UTRN: variants seen among roughly 807,000 people sequenced by gnomAD.
UTRN encodes the protein dystrophin-related protein 1.
In UTRN, 283 loss-of-function variants were observed where a neutral mutation model predicts 463.9. That is an observed-to-expected ratio of 0.61 (90% CI 0.55 to 0.67). UTRN has a LOEUF of 0.67. Ranked by LOEUF, UTRN falls within the 30% of genes least tolerant of loss-of-function variation. UTRN has a pLI of 0.00. For missense variants in UTRN, 3,922 were observed against 4,084.3 expected, an observed-to-expected ratio of 0.96 and a Z score of 1.08; for synonymous variants, 1,442 against 1,431.5, an observed-to-expected ratio of 1.01 and a Z score of -0.17.
At chr6:144,604,053 G>A (rs9376828) in intron 51 of UTRN, among the ~76,000 whole-genome samples, 10,381 of 152,112 alleles carry the variant, frequency 0.068, 975 homozygotes, top group East Asian at 0.52. Context: ...CAGATCCACT[G>A]GGCTTTAAAA....
chr6:144,313,202 A>G (rs1485577914), intron 2 of UTRN, among the ~76,000 whole-genome samples: 1 of 152,166 alleles, frequency 6.6e-6, no homozygotes, highest in Non-Finnish European at 1.5e-5. Flanking sequence ...TAAAACGTGC[A>G]TGGCCCTCAG....
intron 32 of UTRN, among the ~76,000 whole-genome samples, chr6:144,492,753 C>T (rs946308535): frequency 5.3e-5 from 8 of 152,152 alleles, no homozygotes; most frequent in Non-Finnish European, 8.8e-5. Context: ...TTTTGATTTG[C>T]ATCAGAAATC....
At chr6:144,662,618 G>A (rs928505839) in intron 51 of UTRN, among the ~76,000 whole-genome samples, 1 of 152,218 alleles carries the variant, frequency 6.6e-6, no homozygotes, top group Non-Finnish European at 1.5e-5. Flanking sequence ...GGATTTTGCT[G>A]TATTCCTGAA....
At chr6:144,645,145 T>A (rs2128663731) in intron 51 of UTRN, among the ~76,000 whole-genome samples, 1 of 152,340 alleles carries the variant, frequency 6.6e-6, no homozygotes, top group Middle Eastern at 3.4e-3. Context: ...TTGGTCCCTC[T>A]ATTGTTTATT....
At position 144,513,886 on chromosome 6, in the gene UTRN, G is replaced by A. The variant is rs568587710; in HGVS notation, c.4945-23G>A. The stretch of plus-strand genomic sequence containing the variant: ...TTAAATATTTCATATGGTTATGTAA[G>A]CATTTTATTAATTCCTTTGTAGAAC... On this transcript the variant is annotated intron_variant, in intron 35 of 74. Transcript: ENST00000367545. The A allele has an allele frequency of 7.5e-6, 12 of 1,608,660 alleles. No individual in the cohort carries two copies. In the East Asian group the frequency reaches 2.2e-4, roughly 30 times the overall value.
chr6:144,831,107 T>C (rs1460480989), intron 69 of UTRN, among the ~76,000 whole-genome samples: 1 of 152,096 alleles, frequency 6.6e-6, no homozygotes, highest in African/African-American at 2.4e-5. Context: ...AGAAAGGAAA[T>C]AGATAAGTAG....
In UTRN at chr6:144,361,744, A is replaced by T. The variant is rs114156896; in HGVS notation, c.80-41379A>T. ...GCTGGGACCACAGGTGTCTGAAACCACACCTGGCTAATTTTCTTTCTTTCT... is the reference window on the plus strand; with the variant it reads ...GCTGGGACCACAGGTGTCTGAAACCTCACCTGGCTAATTTTCTTTCTTTCT... On this transcript the variant is annotated intron_variant, in intron 2 of 74. Coordinates refer to ENST00000367545, the MANE Select transcript of UTRN (RefSeq NM_007124.3). Among the ~76,000 whole-genome samples, 1,409 of 149,172 alleles carry T rather than the reference A, an allele frequency of 9.4e-3. 24 individuals carry two copies. Among genetic ancestry groups the T allele is most frequent in the African/African-American group, 0.033 (1,348 of 40,576 alleles).
intron 25 of UTRN, among the ~76,000 whole-genome samples, chr6:144,478,614 A>C (rs933358939): frequency 6.6e-6 from 1 of 152,052 alleles, no homozygotes; most frequent in African/African-American, 2.4e-5. Flanking sequence ...GTTTGGAGGG[A>C]GGGACTGGGA....
intron 46 of UTRN, among the ~76,000 whole-genome samples, chr6:144,544,455 A>C (rs1798228776): frequency 6.6e-6 from 1 of 152,048 alleles, no homozygotes; most frequent in African/African-American, 2.4e-5. Context: ...ACCGATCTGC[A>C]TTCTGTTTCC....
chr6:144,729,519 A>G (rs13215581), intron 53 of UTRN, among the ~76,000 whole-genome samples: 14,210 of 152,298 alleles, frequency 0.093, 1,192 homozygotes, highest in East Asian at 0.46. Flanking sequence ...GCAAAATACT[A>G]GAGCCAGTAG....
At chr6:144,468,794 A>G (rs1310527355) in intron 23 of UTRN, among the ~76,000 whole-genome samples, 1 of 152,232 alleles carries the variant, frequency 6.6e-6, no homozygotes, top group Admixed American at 6.5e-5. Context: ...ATTGACTTAA[A>G]GATGAGCAGA....
chr6:144,599,818 A>T (rs546899990), intron 51 of UTRN, among the ~76,000 whole-genome samples: 1 of 152,268 alleles, frequency 6.6e-6, no homozygotes, highest in South Asian at 2.1e-4. Flanking sequence ...ATCTTATCAC[A>T]CATAGCTTTA....
intron 19 of UTRN, 50 bp from the exon 20 acceptor site, chr6:144,458,720 A>G (rs1789115312): frequency 6.6e-7 from 1 of 1,517,406 alleles, no homozygotes; most frequent in Non-Finnish European, 8.8e-7. Flanking sequence ...TAAATTCAAG[A>G]CACATTTTGT....
At chr6:144,741,401 T>G (rs1313702166) in intron 54 of UTRN, among the ~76,000 whole-genome samples, 1 of 152,210 alleles carries the variant, frequency 6.6e-6, no homozygotes, top group Non-Finnish European at 1.5e-5. Flanking sequence ...GAGAATTTTC[T>G]TCTTTATTTT....
At chr6:144,820,751 T>A in intron 65 of UTRN, 131 bp from the exon 66 acceptor site, 1 of 1,137,902 alleles carries the variant, frequency 8.8e-7, no homozygotes, top group Non-Finnish European at 1.2e-6. Context: ...ACTGCTTTAT[T>A]TCAAAAATGC....
intron 64 of UTRN, among the ~76,000 whole-genome samples, chr6:144,798,196 A>G (rs1285147289): frequency 6.6e-6 from 1 of 152,162 alleles, no homozygotes; most frequent in Non-Finnish European, 1.5e-5. Context: ...TGCTATTATT[A>G]TTGTCATTTA....
intron 45 of UTRN, among the ~76,000 whole-genome samples, chr6:144,541,113 G>A (rs1797943307): frequency 6.6e-6 from 1 of 152,204 alleles, no homozygotes; most frequent in African/African-American, 2.4e-5. Context: ...CAGCCAATAT[G>A]ATTGGTTAAA....
intron 52 of UTRN, among the ~76,000 whole-genome samples, chr6:144,699,619 T>TA (rs1784384663): frequency 6.7e-6 from 1 of 150,176 alleles, no homozygotes; most frequent in South Asian, 2.1e-4. Flanking sequence ...TGTATAGAGA[T>TA]AAAATGAGAA....
At chr6:144,321,557 C>T (rs916876616) in intron 2 of UTRN, among the ~76,000 whole-genome samples, 4 of 150,808 alleles carry the variant, frequency 2.7e-5, no homozygotes, top group African/African-American at 4.9e-5. Context: ...GCAGCCTCTC[C>T]CTCCCGGGTT....
Sources: allele counts gnomAD v4.1 joint callset (sites outside exome capture counted in the v4.1 genomes callset), GRCh38; gene constraint gnomAD v4.1.1; transcripts MANE v1.5; gene names NCBI Gene and HGNC (gene_info 2026-07-23, HGNC 2026-07-21).